TGIF1: variants seen among roughly 807,000 people sequenced by gnomAD.
TGIF1 encodes the protein TGFB induced factor homeobox 1, also known as homeobox protein TGIF1.
TGIF1 carries 4 observed loss-of-function variants against 19.3 expected under a neutral mutation model. That is an observed-to-expected ratio of 0.21 (90% confidence interval 0.10 to 0.47). The LOEUF (loss-of-function observed/expected upper bound fraction) is 0.47. Among genes scored for constraint, TGIF1 ranks in the 20% least tolerant of loss-of-function variants. The pLI is 0.98. For missense variants in TGIF1, 275 were observed against 341.4 expected, an observed-to-expected ratio of 0.81 and a Z score of 1.53; for synonymous variants, 122 against 129.3, an observed-to-expected ratio of 0.94 and a Z score of 0.38.
rs747680755 is a variant in TGIF1 at position 3,457,708 on chromosome 18, A to G, written c.587A>G (p.Gln196Arg). 1 of 1,614,240 alleles carries G rather than the reference A, an allele frequency of 6.2e-7. No individual in the cohort carries two copies. The highest frequency in any genetic ancestry group is 8.5e-7 in the Non-Finnish European group (1 of 1,180,042). Residue 196 changes from glutamine (Q) to arginine (R), a missense_variant, in exon 3 of 3, where the codon CAA becomes CGA. Transcript: ENST00000343820. This position sits in a 1 kb window ranked among gnomAD's most constrained non-coding sequence, Gnocchi z 4.9. The stretch of plus-strand genomic sequence containing the variant: ...CTCTGCCAGTCGGTCGGTGTGGGAC[A>G]AAACACAGATATACAGCAGATAGCG... ...FSLCQSVGVG[Q>R]NTDIQQIAAK...
chr18:3,449,004 A>G (rs905030188), upstream of TGIF1, among the ~76,000 whole-genome samples: 1 of 151,978 alleles, frequency 6.6e-6, no homozygotes, highest in Non-Finnish European at 1.5e-5. Context: ...ATTGTGTGGC[A>G]TGTGACAGTT....
At chr18:3,454,741 T>C (rs1460259110) in intron 1 of TGIF1, among the ~76,000 whole-genome samples, 1 of 152,252 alleles carries the variant, frequency 6.6e-6, no homozygotes, top group African/African-American at 2.4e-5. Flanking sequence ...CTTAGGATTC[T>C]TGTGCAGTTT....
chr18:3,447,538 C>T (rs997286420), upstream of TGIF1: 1 of 674,816 alleles, frequency 1.5e-6, no homozygotes, highest in African/African-American at 1.8e-5. Context: ...CCCTTTGTTA[C>T]GTTGCGCTGA....
At position 3,424,004 on chromosome 18, in the gene TGIF1, G is replaced by A. The variant is rs575315884; in HGVS notation, c.-45+5789G>A. On this transcript the variant is annotated intron_variant, in intron 2 of 3. Transcript: ENST00000401449. ...GAGTGACAATACAGAAGGGGTCTGCGTCACCAACATTGTGGCGCTTCCGCA... is the reference window on the plus strand; with the variant it reads ...GAGTGACAATACAGAAGGGGTCTGCATCACCAACATTGTGGCGCTTCCGCA... 8.5e-5 allele frequency among the ~76,000 whole-genome samples: 13 copies of A among 152,296 alleles called. No homozygotes were observed. In the South Asian group the frequency reaches 1.2e-3, roughly 15 times the overall value.
In TGIF1 at chr18:3,450,329, C is replaced by T. The variant is rs2082864656; in HGVS notation, c.-161C>T. On this transcript the variant is annotated 5_prime_UTR_variant, in exon 1 of 3. Transcript: ENST00000343820. The stretch of plus-strand genomic sequence containing the variant: ...ACTTGAATTCCACCCAAGGAGCGGG[C>T]GCCTGGGATCAGAGCGTCCTGTTTA... 6.9e-7 allele frequency: 1 copy of T among 1,457,444 alleles called. No individual in the cohort carries two copies. The highest frequency in any genetic ancestry group is 9.1e-7 in the Non-Finnish European group (1 of 1,102,426). 90.3% of individuals were successfully genotyped at this position (1,457,444 alleles called of 1,614,324 possible).
chr18:3,456,658 C>A lies in TGIF1; in HGVS notation c.243+78C>A. 7.8e-7 allele frequency: 1 copy of A among 1,279,262 alleles called. No individual in the cohort carries two copies. The highest frequency in any genetic ancestry group is 1.1e-6 in the Non-Finnish European group (1 of 884,648). The allele number at this position is 1,279,262 out of a possible 1,614,324, so 79.2% of individuals were successfully genotyped here. ...TTTATGGCATTCCTGTGTGTCAAGT[C>A]ATTAAGCTCCTTGCCACTCAAAGAC... On this transcript the variant is annotated intron_variant, in intron 2 of 2. Coordinates refer to ENST00000343820, the MANE Select transcript of TGIF1 (RefSeq NM_003244.4). This position sits in a 1 kb window ranked among gnomAD's most constrained non-coding sequence, Gnocchi z 4.2.
intron 2 of TGIF1, among the ~76,000 whole-genome samples, chr18:3,437,954 C>G (rs1033681168): frequency 6.6e-6 from 1 of 152,066 alleles, no homozygotes; most frequent in South Asian, 2.1e-4. Flanking sequence ...TGTGGTGGTG[C>G]ACGCTTGTAA....
At chr18:3,430,718 C>T (rs1598868357) in intron 2 of TGIF1, among the ~76,000 whole-genome samples, 1 of 149,534 alleles carries the variant, frequency 6.7e-6, no homozygotes, top group South Asian at 2.1e-4. Flanking sequence ...TGCCATGTTG[C>T]CCAGGCTGTT....
At chr18:3,416,560 C>T (rs2082334370) in intron 1 of TGIF1, among the ~76,000 whole-genome samples, 1 of 152,056 alleles carries the variant, frequency 6.6e-6, no homozygotes, top group Non-Finnish European at 1.5e-5. Context: ...TCTAGGGCCT[C>T]TTCCTGTCCT....
At chr18:3,447,683 G>C, upstream of TGIF1, 1 of 1,603,708 alleles carries the variant, frequency 6.2e-7, no homozygotes, top group Non-Finnish European at 8.5e-7. Context: ...CTACATCACA[G>C]AATTGTGCCA....
At chr18:3,454,861 C>G (rs1306163582) in intron 1 of TGIF1, among the ~76,000 whole-genome samples, 1 of 152,056 alleles carries the variant, frequency 6.6e-6, no homozygotes, top group African/African-American at 2.4e-5. Flanking sequence ...GTAGGAATAC[C>G]CTGCAGCACC....
intron 1 of TGIF1, among the ~76,000 whole-genome samples, chr18:3,417,701 A>G (rs925079542): frequency 6.6e-6 from 1 of 152,162 alleles, no homozygotes; most frequent in African/African-American, 2.4e-5. Flanking sequence ...CCAAATATTC[A>G]TTTCTTAAAA....
At chr18:3,452,498 G>T in intron 1 of TGIF1, 1 of 1,480,638 alleles carries the variant, frequency 6.8e-7, no homozygotes, top group South Asian at 1.2e-5. Flanking sequence ...AGTCGTCTGG[G>T]GTGGGCAGGC....
chr18:3,426,746 T>C (rs2082474742), intron 2 of TGIF1, among the ~76,000 whole-genome samples: 1 of 152,182 alleles, frequency 6.6e-6, no homozygotes, highest in Non-Finnish European at 1.5e-5. Context: ...TTTAGGAAGT[T>C]GTTCTGAGGA....
chr18:3,451,729 A>T lies in TGIF1; in HGVS notation c.16+1224A>T, dbSNP rs1236137587. 1 of 1,241,610 alleles carries T rather than the reference A, an allele frequency of 8.1e-7. No individual in the cohort carries two copies. Among genetic ancestry groups the T allele is most frequent in the Non-Finnish European group, 1.0e-6 (1 of 993,532 alleles). 76.9% of individuals were successfully genotyped at this position (1,241,610 alleles called of 1,614,324 possible). On this transcript the variant is annotated intron_variant, in intron 1 of 2. Coordinates refer to ENST00000343820, the MANE Select transcript of TGIF1 (RefSeq NM_003244.4). This position sits in a 1 kb window ranked among gnomAD's most constrained non-coding sequence, Gnocchi z 5.4. ...CCTCTGCCTCCAGGCTTTCCCAGCG[A>T]GAGTGAAATTAAACTTGAAACTCGG...
intron 2 of TGIF1, among the ~76,000 whole-genome samples, chr18:3,438,976 A>G (rs1162042015): frequency 6.6e-6 from 1 of 152,260 alleles, no homozygotes. Context: ...GAAAAAGACA[A>G]TAGAGCATAA....
intron 2 of TGIF1, among the ~76,000 whole-genome samples, chr18:3,423,935 A>G (rs1253212120): frequency 6.6e-6 from 1 of 152,166 alleles, no homozygotes; most frequent in African/African-American, 2.4e-5. Flanking sequence ...AGAGGTAGAG[A>G]GAATTAAAGC....
In TGIF1 at chr18:3,459,279, C is replaced by A. The variant is rs2049453417; in HGVS notation, c.*1339C>A. On this transcript the variant is annotated 3_prime_UTR_variant, in exon 3 of 3. Transcript: ENST00000343820. ...ATTGTTTAAAGAATGTAGAAAAATA[C>A]AAATTTGTCTAATTTTGAAACTATT... The A allele has an allele frequency of 6.6e-6, 1 of 152,124 alleles. No homozygotes were observed. The highest frequency in any genetic ancestry group is 1.5e-5 in the Non-Finnish European group (1 of 68,020). The allele number at this position is 152,124 out of a possible 1,614,324, so 9.4% of individuals were successfully genotyped here.
At chr18:3,438,130 GGTT>G (rs903934214) in intron 2 of TGIF1, among the ~76,000 whole-genome samples, 6 of 152,062 alleles carry the variant, frequency 3.9e-5, no homozygotes, top group East Asian at 1.9e-4. Flanking sequence ...AGTTAGTGTA[GGTT>G]GTTGTTGTAT....
Sources: gnomAD v4.1 joint callset for allele counts (sites outside exome capture counted in the v4.1 genomes callset) on GRCh38, gnomAD v4.1.1 for gene constraint, Gnocchi (gnomAD v3.1) non-coding constraint, MANE v1.5 for transcripts, NCBI Gene and HGNC (gene_info 2026-07-23, HGNC 2026-07-21) for gene names.